Variants in AMBRA1 observed in about 807,000 individuals in gnomAD.
AMBRA1 encodes the protein activating molecule in BECN1-regulated autophagy protein 1.
Under a neutral mutation model 125.4 loss-of-function variants are expected in AMBRA1, and 47 were observed. The ratio of observed to expected loss-of-function variants is 0.37; its 90% CI spans 0.30 to 0.48. AMBRA1 has a LOEUF of 0.48. AMBRA1 is among the 20% of genes least tolerant of loss of function. AMBRA1 has a pLI of 0.99. For missense variants in AMBRA1, 1,331 were observed against 1,693.4 expected (o/e 0.79, Z 3.76); for synonymous variants, 626 against 655.5 (o/e 0.95, Z 0.69).
At position 46,543,955 on chromosome 11, in the gene AMBRA1, GA is replaced by G. The variant is rs768578944; in HGVS notation, c.618+19del. On this transcript the variant is annotated intron_variant, in intron 6 of 17. Coordinates refer to ENST00000683756, the MANE Select transcript of AMBRA1 (RefSeq NM_001387011.1). ...AGAACTCACAGTTTAGCTGGAATTG[GA>G]ACTGCTGGACTAACTTACCTGTTGA... 1 of 1,602,134 alleles carries G rather than the reference GA, an allele frequency of 6.2e-7. No individual in the cohort carries two copies. The highest frequency in any genetic ancestry group is 2.2e-5 in the East Asian group (1 of 44,796).
At chr11:46,458,893 C>T (rs1380505670) in intron 11 of AMBRA1, among the ~76,000 whole-genome samples, 1 of 152,214 alleles carries the variant, frequency 6.6e-6, no homozygotes, top group Non-Finnish European at 1.5e-5. Context: ...TCCTAGACGG[C>T]TTTTACTACC....
At chr11:46,444,931 T>C (rs1948203978) in intron 11 of AMBRA1, among the ~76,000 whole-genome samples, 1 of 152,200 alleles carries the variant, frequency 6.6e-6, no homozygotes, top group Non-Finnish European at 1.5e-5. Flanking sequence ...TGTCTTTGTC[T>C]CATTTTCAAT....
In AMBRA1 at chr11:46,465,001, G is replaced by A. The variant is rs897690592; in HGVS notation, c.2522-21403C>T. Among the ~76,000 whole-genome samples, 11 of 151,878 alleles carry A rather than the reference G, an allele frequency of 7.2e-5. 1 individual carries two copies. Among genetic ancestry groups the A allele is most frequent in the South Asian group, 4.2e-4 (2 of 4,804 alleles). On this transcript the variant is annotated intron_variant, in intron 11 of 17. Transcript: ENST00000683756. ...GGAGGTTGCAGTGAGCTGCGATCGCGCCACCGCACTCCAGCCTGGCGACAC... is the reference window on the plus strand; with the variant it reads ...GGAGGTTGCAGTGAGCTGCGATCGCACCACCGCACTCCAGCCTGGCGACAC...
At chr11:46,434,115 C>CAAAAAAAAAAAAAA (rs145761376) in intron 13 of AMBRA1, among the ~76,000 whole-genome samples, 1 of 53,556 alleles carries the variant, frequency 1.9e-5, no homozygotes, top group African/African-American at 6.6e-5. Context: ...AACTCCGTCT[C>CAAAAAAAAAAAAAA]AAAAAAAAAA....
At chr11:46,562,298 G>A (rs188746804) in intron 1 of AMBRA1, among the ~76,000 whole-genome samples, 36 of 152,278 alleles carry the variant, frequency 2.4e-4, no homozygotes, top group African/African-American at 7.7e-4. Context: ...TGTGAAGGCC[G>A]GAAATAAGGC....
At chr11:46,498,851 T>G in intron 9 of AMBRA1, among the ~76,000 whole-genome samples, 1 of 152,232 alleles carries the variant, frequency 6.6e-6, no homozygotes, top group Admixed American at 6.5e-5. Context: ...AATTTTTGTT[T>G]CCCTATGCTG....
chr11:46,521,272 T>G (rs982906603), intron 7 of AMBRA1, among the ~76,000 whole-genome samples: 6 of 152,362 alleles, frequency 3.9e-5, no homozygotes, highest in African/African-American at 1.4e-4. Context: ...GTTAAAGTGC[T>G]GACATAGTTG....
intron 7 of AMBRA1, among the ~76,000 whole-genome samples, chr11:46,520,265 T>C (rs914409384): frequency 1.3e-5 from 2 of 152,124 alleles, no homozygotes; most frequent in Admixed American, 6.5e-5. Context: ...CAAGCACACA[T>C]TCAATTAGCC....
intron 7 of AMBRA1, among the ~76,000 whole-genome samples, chr11:46,539,564 A>C (rs1952639454): frequency 6.6e-6 from 1 of 152,192 alleles, no homozygotes; most frequent in Admixed American, 6.5e-5. Context: ...TCTCAAAAAA[A>C]TAAAAATGTT....
At chr11:46,495,932 A>G (rs981045817) in intron 9 of AMBRA1, among the ~76,000 whole-genome samples, 2 of 152,206 alleles carry the variant, frequency 1.3e-5, no homozygotes, top group Non-Finnish European at 2.9e-5. Flanking sequence ...AGCGGGGGAA[A>G]GGGTGGAGGC....
chr11:46,579,400 TGAGCCGA>T (rs1332939081), intron 1 of AMBRA1, among the ~76,000 whole-genome samples: 3 of 152,038 alleles, frequency 2.0e-5, no homozygotes, highest in African/African-American at 7.3e-5. Flanking sequence ...GAGGTTGTGG[TGAGCCGA>T]GATCACGCCA....
chr11:46,477,500 A>G (rs76746241), intron 11 of AMBRA1, among the ~76,000 whole-genome samples: 26 of 117,526 alleles, frequency 2.2e-4, no homozygotes, highest in South Asian at 2.0e-3. Context: ...TAATTTCTGG[A>G]AAAAAAAAAA....
chr11:46,545,828 TGGGAA>T, intron 4 of AMBRA1, 52 bp from the exon 5 acceptor site: 1 of 1,576,582 alleles, frequency 6.3e-7, no homozygotes, highest in Non-Finnish European at 8.7e-7. Flanking sequence ...ACCAGCACAC[TGGGAA>T]GTCAATTTCA....
intron 11 of AMBRA1, among the ~76,000 whole-genome samples, chr11:46,450,604 T>C (rs993611933): frequency 2.0e-5 from 3 of 151,936 alleles, no homozygotes; most frequent in African/African-American, 7.3e-5. Context: ...CATGACCAGC[T>C]GATTTTTTTT....
At chr11:46,439,979 G>C (rs1408745934) in intron 12 of AMBRA1, among the ~76,000 whole-genome samples, 1 of 151,806 alleles carries the variant, frequency 6.6e-6, no homozygotes. Flanking sequence ...CTATCAGCAA[G>C]AGTTTATGAA....
chr11:46,401,177 C>T (rs574067999), intron 17 of AMBRA1, among the ~76,000 whole-genome samples: 62 of 152,284 alleles, frequency 4.1e-4, no homozygotes, highest in Admixed American at 1.0e-3. Context: ...TGGTCTGGGG[C>T]GTGCTGTGGC....
At chr11:46,489,426 G>A (rs896032156) in intron 11 of AMBRA1, among the ~76,000 whole-genome samples, 1 of 152,122 alleles carries the variant, frequency 6.6e-6, no homozygotes, top group Non-Finnish European at 1.5e-5. Flanking sequence ...TTACAGGCGT[G>A]AGCCACCGCA....
rs750529053 is a variant in AMBRA1, at chr11:46,543,202, G to A, written c.815C>T (p.Pro272Leu). Residue 272 changes from proline (P) to leucine (L), a missense_variant, in exon 7 of 18, where the codon CCG becomes CTG. By Grantham distance (98) the Pro-to-Leu change is moderately conservative. Transcript: ENST00000683756. ...CTCCGTGGAGGGCTGAGGGGGAGGC[G>A]GTGGGGGTGAGGGGGTAGCAGAATC... ...VQDSATPSPPPPPPQPSTERP... is the reference protein window; with the variant it reads ...VQDSATPSPPLPPPQPSTERP... 4.0e-5 allele frequency: 64 copies of A among 1,596,468 alleles called. No individual in the cohort carries two copies. The highest frequency in any genetic ancestry group is 4.9e-5 in the Non-Finnish European group (57 of 1,172,032).
chr11:46,481,830 C>G (rs1414844603), intron 11 of AMBRA1, among the ~76,000 whole-genome samples: 1 of 152,226 alleles, frequency 6.6e-6, no homozygotes, highest in Admixed American at 6.5e-5. Flanking sequence ...TAAAATACTT[C>G]ATCTCTTTTA....
Sources: gnomAD v4.1 joint callset for allele counts (sites outside exome capture counted in the v4.1 genomes callset) on GRCh38, gnomAD v4.1.1 for gene constraint, MANE v1.5 for transcripts, NCBI Gene and HGNC (gene_info 2026-07-23, HGNC 2026-07-21) for gene names.